Variants in FER1L6 observed in about 807,000 individuals in gnomAD.
FER1L6 encodes the protein fer-1-like protein 6.
Under a neutral mutation model 219.2 loss-of-function variants are expected in FER1L6, and 177 were observed. That is an observed-to-expected ratio of 0.81 (90% CI 0.71 to 0.91). The LOEUF (loss-of-function observed/expected upper bound fraction) is 0.91, where lower values mean the gene tolerates loss of function less well. FER1L6 is among the 40% of genes least tolerant of loss of function. The pLI, the probability that FER1L6 is intolerant of heterozygous loss-of-function variation, is 0.00. For synonymous variants in FER1L6, 768 were observed against 824.3 expected (o/e 0.93, Z 1.17); for missense variants, 2,153 against 2,259.9 (o/e 0.95, Z 0.96).
intron 1 of FER1L6, among the ~76,000 whole-genome samples, chr8:123,854,559 A>G (rs963455596): frequency 2.0e-5 from 3 of 152,324 alleles, no homozygotes; most frequent in East Asian, 1.9e-4. Flanking sequence ...CAGAGGGCCA[A>G]TGGAGGAGGT....
At chr8:123,878,264 T>C (rs946755472) in intron 1 of FER1L6, among the ~76,000 whole-genome samples, 16 of 152,310 alleles carry the variant, frequency 1.1e-4, no homozygotes, top group South Asian at 2.1e-4. Flanking sequence ...GGGGGACTCA[T>C]TGGAGACATT....
intron 1 of FER1L6, among the ~76,000 whole-genome samples, chr8:123,914,668 A>G (rs1321174730): frequency 6.6e-6 from 1 of 152,206 alleles, no homozygotes; most frequent in East Asian, 1.9e-4. Flanking sequence ...AAGAGGAAGA[A>G]TGGAGAAGCC....
chr8:123,887,137 G>A (rs746683376), intron 1 of FER1L6, among the ~76,000 whole-genome samples: 7 of 152,098 alleles, frequency 4.6e-5, no homozygotes, highest in Non-Finnish European at 1.0e-4. Context: ...ACATAGTTAC[G>A]TTTCTTCCCT....
At chr8:123,943,607 C>T (rs1011698633) in intron 1 of FER1L6, among the ~76,000 whole-genome samples, 1 of 152,126 alleles carries the variant, frequency 6.6e-6, no homozygotes, top group Non-Finnish European at 1.5e-5. Context: ...TCCTGCTGGG[C>T]CGACCTCCTG....
chr8:123,864,956 C>T lies in FER1L6; in HGVS notation c.-8+12771C>T, dbSNP rs558954163. Among the ~76,000 whole-genome samples the T allele has an allele frequency of 5.8e-4, 88 of 151,260 alleles. 5 individuals are homozygous for T. The highest frequency in any genetic ancestry group is 2.1e-3 in the African/African-American group (84 of 40,584). On this transcript the variant is annotated intron_variant, in intron 1 of 40. Coordinates refer to ENST00000522917, the MANE Select transcript of FER1L6 (RefSeq NM_001039112.2). The stretch of plus-strand genomic sequence containing the variant: ...CTCCTGTAGCTCAGAGTAATTTGAT[C>T]GTCTGAAGCCTTCCTCTCTCAGCTC...
intron 22 of FER1L6, among the ~76,000 whole-genome samples, chr8:124,054,727 C>T (rs1268487621): frequency 1.3e-5 from 2 of 152,124 alleles, no homozygotes; most frequent in Non-Finnish European, 2.9e-5. Context: ...CCGGCATGCT[C>T]AAGGAGGTCA....
In FER1L6 at chr8:123,878,685, G is replaced by A. The variant is rs1017340607; in HGVS notation, c.-8+26500G>A. Among the ~76,000 whole-genome samples, 5 of 152,206 alleles carry A rather than the reference G, an allele frequency of 3.3e-5. No homozygotes were observed. The South Asian group carries it at 8.3e-4, about 25-fold the overall frequency. On this transcript the variant is annotated intron_variant, in intron 1 of 40. Transcript: ENST00000522917. ...AGGCATGTGGAATCGTGCTTGGCAC[G>A]TAACAAGAACTGTGTGTACATTAAT...
At chr8:124,013,923 T>C (rs1818062863) in intron 15 of FER1L6, among the ~76,000 whole-genome samples, 2 of 152,080 alleles carry the variant, frequency 1.3e-5, no homozygotes, top group South Asian at 2.1e-4. Context: ...AGGGAAAACA[T>C]CTCTTCTCTG....
intron 2 of FER1L6, among the ~76,000 whole-genome samples, chr8:123,957,641 C>T (rs1368718100): frequency 6.6e-6 from 1 of 152,128 alleles, no homozygotes; most frequent in East Asian, 1.9e-4. Context: ...GAAGCTGGCT[C>T]CCGATCCCAG....
In FER1L6 at chr8:123,886,415, A is replaced by T. The variant is rs533483794; in HGVS notation, c.-8+34230A>T. On this transcript the variant is annotated intron_variant, in intron 1 of 40. Coordinates refer to ENST00000522917, the MANE Select transcript of FER1L6 (RefSeq NM_001039112.2). Reference sequence around the variant, plus strand: ...CTGAGAGAGTGAGTTGTTATAAAGGATGGAAGTGCTTCATCTTTGGCTCCT... The same window carrying T: ...CTGAGAGAGTGAGTTGTTATAAAGGTTGGAAGTGCTTCATCTTTGGCTCCT... Among the ~76,000 whole-genome samples the T allele has an allele frequency of 1.5e-3, 235 of 152,218 alleles. 2 individuals carry two copies. Among genetic ancestry groups the T allele is most frequent in the Non-Finnish European group, 1.3e-3 (86 of 68,028 alleles).
chr8:123,973,394 A>G, intron 6 of FER1L6, 40 bp from the exon 7 acceptor site: 4 of 1,521,882 alleles, frequency 2.6e-6, no homozygotes, highest in Non-Finnish European at 3.6e-6. Context: ...TCTTATCCTC[A>G]AGGTAAATCT....
intron 1 of FER1L6, among the ~76,000 whole-genome samples, chr8:123,878,261 T>A (rs1281676337): frequency 6.6e-6 from 1 of 152,192 alleles, no homozygotes; most frequent in Non-Finnish European, 1.5e-5. Context: ...ATTGGGGGAC[T>A]CATTGGAGAC....
In FER1L6 at chr8:124,094,481, AATTT is replaced by A. The variant is rs998250499; in HGVS notation, c.4553-398_4553-395del. Among the ~76,000 whole-genome samples, 22 of 151,312 alleles carry A rather than the reference AATTT, an allele frequency of 1.5e-4. No individual in the cohort carries two copies. In the East Asian group the frequency reaches 2.7e-3, roughly 19 times the overall value. ...GTTTTTCTTTCCCTGTTCCTTAGGA[AATTT>A]ATTTATTTATTTATTTTGAGACAGA... On this transcript the variant is annotated intron_variant, in intron 34 of 40. Transcript: ENST00000522917.
rs34981228 is a variant in FER1L6, at chr8:124,034,149, T to TA, written c.2287-1116dup. 2.3e-3 allele frequency among the ~76,000 whole-genome samples: 318 copies of TA among 139,974 alleles called. 3 individuals carry two copies. The highest frequency in any genetic ancestry group is 0.011 in the Middle Eastern group (3 of 278). 91.8% of individuals were successfully genotyped at this position (139,974 alleles called of 152,430 possible). On this transcript the variant is annotated intron_variant, in intron 18 of 40. Transcript: ENST00000522917. The stretch of plus-strand genomic sequence containing the variant: ...ACTCTCAATGGAAAGGAAGTGATGT[T>TA]AAAAAAAAAAAAGAAGAAGAAGAAG...
At chr8:123,871,283 A>G (rs1816920589) in intron 1 of FER1L6, among the ~76,000 whole-genome samples, 1 of 152,164 alleles carries the variant, frequency 6.6e-6, no homozygotes, top group Non-Finnish European at 1.5e-5. Context: ...AAACAATAAC[A>G]TCCCAGTAGT....
chr8:123,942,192 T>G (rs1395492283), intron 1 of FER1L6, among the ~76,000 whole-genome samples: 1 of 152,130 alleles, frequency 6.6e-6, no homozygotes, highest in Non-Finnish European at 1.5e-5. Context: ...CTGCAGAACC[T>G]TCTCCCCAAC....
chr8:123,975,742 T>G (rs1184169725), intron 8 of FER1L6, among the ~76,000 whole-genome samples, 156 bp from the exon 9 acceptor site: 1 of 152,248 alleles, frequency 6.6e-6, no homozygotes, highest in African/African-American at 2.4e-5. Context: ...CTCTGTCATT[T>G]ACACTATAAA....
At chr8:123,870,778 A>G (rs544577861) in intron 1 of FER1L6, among the ~76,000 whole-genome samples, 2 of 152,338 alleles carry the variant, frequency 1.3e-5, no homozygotes, top group South Asian at 4.1e-4. Flanking sequence ...TACAGCAGTA[A>G]GAGTGGACCT....
intron 1 of FER1L6, among the ~76,000 whole-genome samples, chr8:123,924,546 AATAAAT>A (rs1344848489): frequency 6.7e-6 from 1 of 148,190 alleles, no homozygotes; most frequent in African/African-American, 2.6e-5. Flanking sequence ...AAAAAAAAAA[AATAAAT>A]AAATAAAAGA....
Sources: allele counts gnomAD v4.1 joint callset (sites outside exome capture counted in the v4.1 genomes callset), GRCh38; gene constraint gnomAD v4.1.1; transcripts MANE v1.5; gene names NCBI Gene and HGNC (gene_info 2026-07-23, HGNC 2026-07-21).